Variants in ITGAV observed in about 807,000 individuals in gnomAD.
The protein encoded by ITGAV is integrin subunit alpha V.
A neutral mutation model predicts 143.8 loss-of-function variants in ITGAV; 76 were observed. That is an observed-to-expected ratio of 0.53 (90% CI 0.44 to 0.64). The LOEUF is 0.64. ITGAV is among the 30% of genes least tolerant of loss of function. ITGAV has a pLI of 0.00. For missense variants in ITGAV, 1,193 were observed against 1,274.7 expected (o/e 0.94, Z 0.98); for synonymous variants, 453 against 446.7 (o/e 1.01, Z -0.18).
rs903482072 is a variant in ITGAV, at chr2:186,640,923, A to G, written c.912A>G (p.Ala304=). 1.3e-6 allele frequency: 2 copies of G among 1,593,758 alleles called. No individual in the cohort carries two copies. Among genetic ancestry groups the G allele is most frequent in the South Asian group, 1.1e-5 (1 of 88,882 alleles). Residue 304 remains alanine (A), a synonymous_variant, in exon 11 of 30, where the codon GCA becomes GCG. Transcript: ENST00000261023. ...TTCATCTTTTTATCCAGATGGCTGC[A>G]TATTTCGGATTTTCTGTAGCTGCCA... ...LYNFTGEQMA[A]YFGFSVAATD... is the part of the protein sequence containing the mutation.
rs975145786 is a variant in ITGAV at position 186,678,978 on chromosome 2, C to T, written c.*1686C>T. 7.4e-6 allele frequency: 2 copies of T among 269,990 alleles called. No individual in the cohort carries two copies. The highest frequency in any genetic ancestry group is 1.0e-4 in the Admixed American group (2 of 19,894). 16.7% of individuals were successfully genotyped at this position (269,990 alleles called of 1,614,324 possible). A position where few individuals can be genotyped will look rare whatever the true frequency, so the allele number is the denominator to read the frequency against. On this transcript the variant is annotated 3_prime_UTR_variant, in exon 30 of 30. Transcript: ENST00000261023. ...GAGGTATACAAGGTAGGACTCTAGACAAAACCTTCTATTTTAGCTTTAGTG... is the reference window on the plus strand; with the variant it reads ...GAGGTATACAAGGTAGGACTCTAGATAAAACCTTCTATTTTAGCTTTAGTG...
intron 12 of ITGAV, among the ~76,000 whole-genome samples, chr2:186,642,120 C>G (rs546327419): frequency 9.2e-5 from 14 of 152,156 alleles, no homozygotes; most frequent in Non-Finnish European, 1.9e-4. Flanking sequence ...TAAGCCTATT[C>G]GTTTATAATA....
intron 18 of ITGAV, chr2:186,660,355 T>G (rs1182813527): frequency 6.6e-6 from 1 of 152,164 alleles, no homozygotes; most frequent in African/African-American, 2.4e-5. Flanking sequence ...TTCTCATTCT[T>G]CATTGTTTGA....
intron 2 of ITGAV, among the ~76,000 whole-genome samples, chr2:186,617,517 A>G (rs936642157): frequency 4.6e-5 from 7 of 152,188 alleles, no homozygotes; most frequent in Non-Finnish European, 8.8e-5. Flanking sequence ...GGCAAAATAA[A>G]CATGAAATTT....
chr2:186,622,488 G>A (rs1687556959), intron 3 of ITGAV, 58 bp downstream of exon 3: 1 of 1,127,284 alleles, frequency 8.9e-7, no homozygotes, highest in African/African-American at 1.5e-5. Flanking sequence ...TGGAGACACA[G>A]AAGGTTTTAT....
intron 15 of ITGAV, among the ~76,000 whole-genome samples, chr2:186,652,892 T>C (rs1688474861): frequency 6.6e-6 from 1 of 151,854 alleles, no homozygotes; most frequent in Non-Finnish European, 1.5e-5. Context: ...TTGTCATTTG[T>C]ATGCTACTTC....
Position 186,677,343 on chromosome 2 carries a change from T to G in ITGAV, c.*51T>G. The G allele has an allele frequency of 7.4e-7, 1 of 1,359,602 alleles. No homozygotes were observed. The highest frequency in any genetic ancestry group is 1.0e-6 in the Non-Finnish European group (1 of 964,462). 84.2% of individuals were successfully genotyped at this position (1,359,602 alleles called of 1,614,324 possible). ...CTTGACCCACTAGAATTAGCAACTT[T>G]ATTATAGATTTAAACTTTCTTCATG... On this transcript the variant is annotated 3_prime_UTR_variant, in exon 30 of 30. Transcript: ENST00000261023.
At chr2:186,618,735 G>A (rs1687437922) in intron 2 of ITGAV, among the ~76,000 whole-genome samples, 1 of 77,184 alleles carries the variant, frequency 1.3e-5, no homozygotes, top group African/African-American at 3.6e-5. Flanking sequence ...AAAATGCTTA[G>A]CATAGAAGGC....
At chr2:186,652,129 T>G in intron 15 of ITGAV, 40 bp downstream of exon 15, 1 of 1,222,418 alleles carries the variant, frequency 8.2e-7, no homozygotes, top group Non-Finnish European at 1.2e-6. Flanking sequence ...ATTGTGATTA[T>G]TGTTCAGGCA....
At chr2:186,675,961 T>C in intron 28 of ITGAV, 34 bp downstream of exon 28, 1 of 1,143,532 alleles carries the variant, frequency 8.7e-7, no homozygotes. Flanking sequence ...AGAATAAATT[T>C]ACTCAATTCA....
In ITGAV at chr2:186,638,459, C is replaced by A; in HGVS notation, c.897C>A (p.Gly299=). ...KNMSSLYNFT[G]EQMAAYFGFS... is the part of the protein sequence containing the mutation. ...TGTCCTCCTTATACAATTTTACTGG[C>A]GAGCAGGTATGCTTCCAAAATATGA... Residue 299 remains glycine (G), a synonymous_variant, in exon 10 of 30, where the codon GGC becomes GGA. Transcript: ENST00000261023. 6.2e-7 allele frequency: 1 copy of A among 1,609,464 alleles called. No homozygotes were observed. The highest frequency in any genetic ancestry group is 8.5e-7 in the Non-Finnish European group (1 of 1,177,342).
At chr2:186,643,681 A>T (rs1409740392) in intron 12 of ITGAV, among the ~76,000 whole-genome samples, 1 of 152,182 alleles carries the variant, frequency 6.6e-6, no homozygotes, top group Non-Finnish European at 1.5e-5. Flanking sequence ...CAAGGTAATT[A>T]TGTGCAGTTT....
chr2:186,657,916 A>G (rs1242084603), intron 17 of ITGAV, among the ~76,000 whole-genome samples: 1 of 152,046 alleles, frequency 6.6e-6, no homozygotes, highest in Non-Finnish European at 1.5e-5. Flanking sequence ...CAAACATTCA[A>G]GAACAAGACT....
At chr2:186,621,914 C>G (rs936357951) in intron 2 of ITGAV, among the ~76,000 whole-genome samples, 1 of 152,144 alleles carries the variant, frequency 6.6e-6, no homozygotes, top group Admixed American at 6.5e-5. Flanking sequence ...CTTAGGCACA[C>G]GTCTCAGTCT....
At chr2:186,615,445 T>C (rs1042207964) in intron 2 of ITGAV, among the ~76,000 whole-genome samples, 2 of 152,172 alleles carry the variant, frequency 1.3e-5, no homozygotes, top group African/African-American at 4.8e-5. Flanking sequence ...TTTCAGTGTC[T>C]CCGTATCCTT....
chr2:186,646,666 T>C lies in ITGAV; in HGVS notation c.1160-20T>C. 1 of 1,553,198 alleles carries C rather than the reference T, an allele frequency of 6.4e-7. No individual in the cohort carries two copies. ...TTACTTCTGTCATTCTCCTTCCCCC[T>C]CCTCTTTTTTTCCCCACAGATATTG... On this transcript the variant is annotated intron_variant, in intron 12 of 29. Coordinates refer to ENST00000261023, the MANE Select transcript of ITGAV (RefSeq NM_002210.5).
At chr2:186,605,052 C>T (rs894705375) in intron 2 of ITGAV, among the ~76,000 whole-genome samples, 1 of 152,166 alleles carries the variant, frequency 6.6e-6, no homozygotes, top group Non-Finnish European at 1.5e-5. Flanking sequence ...GGTATTTTGA[C>T]TATTTACAGA....
Position 186,625,580 on chromosome 2 carries a change from T to C in ITGAV, c.516T>C (p.Cys172=), listed in dbSNP as rs185931097. ...CAAAGACTGTTGAGTATGCTCCATG[T>C]AGATCACGTATGTATAGGATATTGT... ...DGTKTVEYAP[C]RSQDIDADGQ... The change falls in exon 4 of 30, where the codon TGT becomes TGC. Residue 172 remains cysteine, a synonymous_variant. Coordinates refer to ENST00000261023, the MANE Select transcript of ITGAV (RefSeq NM_002210.5). 70 of 1,609,010 alleles carry C rather than the reference T, an allele frequency of 4.4e-5. No individual in the cohort carries two copies. In the East Asian group the frequency reaches 1.3e-3, roughly 30 times the overall value.
At chr2:186,631,235 A>G (rs559528404) in intron 5 of ITGAV, among the ~76,000 whole-genome samples, 46 of 152,312 alleles carry the variant, frequency 3.0e-4, no homozygotes, top group African/African-American at 1.1e-3. Context: ...TGAGAGCTTT[A>G]TTACAAAATT....
Sources: gnomAD v4.1 joint callset for allele counts (sites outside exome capture counted in the v4.1 genomes callset) on GRCh38, gnomAD v4.1.1 for gene constraint, MANE v1.5 for transcripts, NCBI Gene and HGNC (gene_info 2026-07-23, HGNC 2026-07-21) for gene names.